The following RSRC1 variants were observed in gnomAD, a reference collection of about 807,000 sequenced individuals.
The protein encoded by RSRC1 is serine/Arginine-related protein 53.
A neutral mutation model predicts 49.1 loss-of-function variants in RSRC1; 39 were observed. The ratio of observed to expected loss-of-function variants is 0.79; its 90% CI spans 0.61 to 1.04. The LOEUF (loss-of-function observed/expected upper bound fraction) is 1.04, where lower values mean the gene tolerates loss of function less well. RSRC1 is among the 50% of genes least tolerant of loss of function. The pLI, the probability that RSRC1 is intolerant of heterozygous loss-of-function variation, is 0.00. For missense variants in RSRC1, 388 were observed against 402.4 expected (o/e 0.96, Z 0.31); for synonymous variants, 143 against 130.8 (o/e 1.09, Z -0.63).
rs921770356 is a variant in RSRC1, at chr3:158,544,254, A to G, written c.984A>G (p.Leu328=). ...KRLIALRQER[L]MGSPVA is the part of the protein sequence containing the mutation. ...TAATTGCTCTCCGACAAGAAAGACT[A>G]ATGGGCAGTCCTGTGGCCTAAGTAA... The change falls in exon 10 of 10, where the codon CTA becomes CTG. Residue 328 remains leucine, a synonymous_variant. Coordinates refer to ENST00000611884, the MANE Select transcript of RSRC1 (RefSeq NM_001271838.2). 1.2e-6 allele frequency: 2 copies of G among 1,611,058 alleles called. No individual in the cohort carries two copies. Among genetic ancestry groups the G allele is most frequent in the Non-Finnish European group, 1.7e-6 (2 of 1,178,012 alleles).
intron 3 of RSRC1, among the ~76,000 whole-genome samples, chr3:158,194,147 A>G (rs1304103063): frequency 6.6e-6 from 1 of 151,644 alleles, no homozygotes; most frequent in East Asian, 1.9e-4. Context: ...GTAGTCCCAC[A>G]TCTGTAGTCC....
intron 4 of RSRC1, among the ~76,000 whole-genome samples, chr3:158,237,682 A>G (rs942637599): frequency 2.0e-5 from 3 of 152,194 alleles, no homozygotes; most frequent in East Asian, 3.8e-4. Flanking sequence ...ATGGTTCACC[A>G]TATCAGCTTA....
At chr3:158,243,445 G>C (rs1361096058) in intron 4 of RSRC1, among the ~76,000 whole-genome samples, 2 of 152,178 alleles carry the variant, frequency 1.3e-5, no homozygotes, top group African/African-American at 2.4e-5. Flanking sequence ...TTTGGTTACT[G>C]TAGCCTTGTA....
chr3:158,284,516 A>C (rs1248978708), intron 4 of RSRC1, among the ~76,000 whole-genome samples: 1 of 149,242 alleles, frequency 6.7e-6, no homozygotes, highest in Admixed American at 6.7e-5. Context: ...CCAACAGTGT[A>C]AAAGTGTTCC....
chr3:158,225,734 G>A, intron 4 of RSRC1: 1 of 451,018 alleles, frequency 2.2e-6, no homozygotes, highest in South Asian at 1.6e-5. Flanking sequence ...AGACCAAATT[G>A]TGAGTAAACC....
At chr3:158,325,543 G>A (rs1232755892) in intron 5 of RSRC1, among the ~76,000 whole-genome samples, 1 of 152,110 alleles carries the variant, frequency 6.6e-6, no homozygotes, top group African/African-American at 2.4e-5. Context: ...GGTTGTAGAT[G>A]TATGGTATTA....
At position 158,113,859 on chromosome 3, in the gene RSRC1, T is replaced by C. The variant is rs1467718605; in HGVS notation, c.-3+3636T>C. On this transcript the variant is annotated intron_variant, in intron 1 of 9. Transcript: ENST00000611884. Reference sequence around the variant, plus strand: ...TTTTTTAATGGGATTCCTTTTTTTTTCTTGCAAATTTGTTTAACTTCCTTA... The same window carrying C: ...TTTTTTAATGGGATTCCTTTTTTTTCCTTGCAAATTTGTTTAACTTCCTTA... Among the ~76,000 whole-genome samples the C allele has an allele frequency of 3.3e-5, 5 of 152,214 alleles. No individual in the cohort carries two copies. The East Asian group carries it at 7.7e-4, about 23-fold the overall frequency.
chr3:158,136,744 G>A (rs1484192247), intron 3 of RSRC1: 3 of 152,272 alleles, frequency 2.0e-5, no homozygotes, highest in African/African-American at 7.2e-5. Flanking sequence ...TCCCCCTCCA[G>A]TTTTTCAATG....
intron 4 of RSRC1, among the ~76,000 whole-genome samples, chr3:158,261,382 T>C (rs1419328991): frequency 6.6e-6 from 1 of 152,212 alleles, no homozygotes; most frequent in African/African-American, 2.4e-5. Flanking sequence ...CATGTTTCCA[T>C]CTTCTTATTT....
At chr3:158,327,655 T>C (rs2108185562) in intron 5 of RSRC1, among the ~76,000 whole-genome samples, 1 of 152,210 alleles carries the variant, frequency 6.6e-6, no homozygotes, top group Middle Eastern at 3.4e-3. Context: ...CTTCCAACTA[T>C]GTGGTCAATT....
At chr3:158,353,644 CT>C (rs1730995401) in intron 5 of RSRC1, among the ~76,000 whole-genome samples, 1 of 152,196 alleles carries the variant, frequency 6.6e-6, no homozygotes, top group African/African-American at 2.4e-5. Context: ...CATTCAAATT[CT>C]TAAACTTTTC....
chr3:158,519,994 A>G (rs553225626), intron 7 of RSRC1, among the ~76,000 whole-genome samples: 3 of 152,274 alleles, frequency 2.0e-5, no homozygotes, highest in Admixed American at 6.5e-5. Context: ...CCAAATGAAA[A>G]AAAAGTTTCA....
intron 7 of RSRC1, among the ~76,000 whole-genome samples, chr3:158,489,791 C>T (rs1342625543): frequency 5.3e-5 from 8 of 151,790 alleles, no homozygotes; most frequent in African/African-American, 9.7e-5. Flanking sequence ...AGTATCATTT[C>T]TAATAGAGTA....
intron 3 of RSRC1, among the ~76,000 whole-genome samples, chr3:158,194,875 T>C (rs1720481341): frequency 1.3e-5 from 2 of 152,138 alleles, no homozygotes; most frequent in South Asian, 4.1e-4. Flanking sequence ...ATGTGCCACA[T>C]TTTCTTAATC....
chr3:158,269,856 CT>C (rs1553777323), intron 4 of RSRC1, among the ~76,000 whole-genome samples: 3 of 151,842 alleles, frequency 2.0e-5, no homozygotes, highest in Non-Finnish European at 4.4e-5. Context: ...TATTTTTTTT[CT>C]TTTGATATCT....
rs58689210 is a variant in RSRC1 at position 158,487,949 on chromosome 3, G to GAAAAA, written c.652+26967_652+26971dup. 1.0e-2 allele frequency among the ~76,000 whole-genome samples: 289 copies of GAAAAA among 28,914 alleles called. 39 individuals are homozygous for GAAAAA. The highest frequency in any genetic ancestry group is 0.036 in the African/African-American group (271 of 7,480). 19.0% of individuals were successfully genotyped at this position (28,914 alleles called of 152,430 possible). ...TAGGAGACAAGAGACTCCATCTCAA[G>GAAAAA]AAAAAAAAAAAAAAAAAAAAAAAAA... On this transcript the variant is annotated intron_variant, in intron 7 of 9. Transcript: ENST00000611884.
At chr3:158,196,014 G>GT (rs1559937910) in intron 3 of RSRC1, among the ~76,000 whole-genome samples, 1 of 152,028 alleles carries the variant, frequency 6.6e-6, no homozygotes, top group African/African-American at 2.4e-5. Flanking sequence ...CTTTAAAGTA[G>GT]TTTTTTTCAA....
At chr3:158,226,969 A>G (rs1722563545) in intron 4 of RSRC1, among the ~76,000 whole-genome samples, 1 of 151,880 alleles carries the variant, frequency 6.6e-6, no homozygotes, top group South Asian at 2.1e-4. Flanking sequence ...ACTGCCCCAC[A>G]AGGAGAAAAA....
intron 7 of RSRC1, among the ~76,000 whole-genome samples, chr3:158,536,616 A>T (rs2108504942): frequency 6.6e-6 from 1 of 151,590 alleles, no homozygotes; most frequent in South Asian, 2.1e-4. Flanking sequence ...TCTGTTGGAG[A>T]TGCCTACTAA....
Sources: allele counts gnomAD v4.1 joint callset (sites outside exome capture counted in the v4.1 genomes callset), GRCh38; gene constraint gnomAD v4.1.1; transcripts MANE v1.5; gene names NCBI Gene and HGNC (gene_info 2026-07-23, HGNC 2026-07-21).